The following LDLRAD3 variants were observed in gnomAD, a reference collection of about 807,000 sequenced individuals.
The protein encoded by LDLRAD3 is low-density lipoprotein receptor class A domain-containing protein 3.
LDLRAD3 carries 20 observed loss-of-function variants against 29.4 expected under a neutral mutation model. The ratio of observed to expected loss-of-function variants is 0.68; its 90% CI spans 0.48 to 0.99. The LOEUF (loss-of-function observed/expected upper bound fraction) is 0.99. Ranked by LOEUF, LDLRAD3 falls within the 50% of genes least tolerant of loss-of-function variation. LDLRAD3 has a pLI of 0.00. For missense variants in LDLRAD3, 420 were observed against 454.3 expected, an observed-to-expected ratio of 0.92 and a Z score of 0.69; for synonymous variants, 157 against 192.7, an observed-to-expected ratio of 0.81 and a Z score of 1.53.
At chr11:36,093,352 A>G (rs1011234401) in intron 3 of LDLRAD3, among the ~76,000 whole-genome samples, 1 of 152,172 alleles carries the variant, frequency 6.6e-6, no homozygotes, top group African/African-American at 2.4e-5. Flanking sequence ...AATCTCAGCC[A>G]TACGTCTTTG....
At chr11:36,175,083 G>A (rs761115616) in intron 4 of LDLRAD3, among the ~76,000 whole-genome samples, 9 of 152,230 alleles carry the variant, frequency 5.9e-5, no homozygotes, top group Non-Finnish European at 8.8e-5. Flanking sequence ...TTTTTACGCT[G>A]TTGATGGGAC....
Position 36,083,800 on chromosome 11 carries a change from C to A in LDLRAD3, c.319+2022C>A, listed in dbSNP as rs187998594. On this transcript the variant is annotated intron_variant, in intron 3 of 5. Transcript: ENST00000315571. ...CACACACCCCAGAATAATCCAATGG[C>A]AATAAAATGCAAGTATGACGCATTA... 2.0e-5 allele frequency among the ~76,000 whole-genome samples: 3 copies of A among 150,100 alleles called. No homozygotes were observed. The East Asian group carries it at 5.9e-4, about 29-fold the overall frequency.
In LDLRAD3 at chr11:36,104,132, T is replaced by C. The variant is rs113080003; in HGVS notation, c.454+5671T>C. 8.6e-3 allele frequency among the ~76,000 whole-genome samples: 1,317 copies of C among 152,282 alleles called. 19 individuals are homozygous for C. The highest frequency in any genetic ancestry group is 0.029 in the African/African-American group (1,211 of 41,548). ...TCGCTGGCTAGCTCTCTCCCACTCT[T>C]GAGGCAAGCCAGCTGCCATATTGTG... On this transcript the variant is annotated intron_variant, in intron 4 of 5. Coordinates refer to ENST00000315571, the MANE Select transcript of LDLRAD3 (RefSeq NM_174902.4).
At chr11:36,178,247 CTA>C (rs1164750054) in intron 4 of LDLRAD3, among the ~76,000 whole-genome samples, 1 of 152,232 alleles carries the variant, frequency 6.6e-6, no homozygotes, top group Non-Finnish European at 1.5e-5. Context: ...GCCTCCAACT[CTA>C]TGGAGAAGAA....
intron 4 of LDLRAD3, among the ~76,000 whole-genome samples, chr11:36,201,888 G>T (rs1055919589): frequency 6.6e-6 from 1 of 152,116 alleles, no homozygotes; most frequent in African/African-American, 2.4e-5. Context: ...TGGACCTTAG[G>T]CATAGCATGC....
At chr11:36,050,700 A>T (rs1164043003) in intron 2 of LDLRAD3, among the ~76,000 whole-genome samples, 1 of 152,194 alleles carries the variant, frequency 6.6e-6, no homozygotes, top group African/African-American at 2.4e-5. Flanking sequence ...GTCCCTTTAG[A>T]AGGATGTAGA....
chr11:36,174,593 A>C (rs533042406), intron 4 of LDLRAD3, among the ~76,000 whole-genome samples: 1 of 152,360 alleles, frequency 6.6e-6, no homozygotes, highest in South Asian at 2.1e-4. Context: ...ACATTCATGC[A>C]GCCAACAGAC....
At chr11:36,036,067 T>C in intron 1 of LDLRAD3, 36 bp from the exon 2 acceptor site, 2 of 1,602,540 alleles carry the variant, frequency 1.2e-6, no homozygotes, top group Non-Finnish European at 1.7e-6. Flanking sequence ...TCCCTGCTGT[T>C]GCTGTGCCGT....
chr11:35,990,402 A>T (rs1851672919), intron 1 of LDLRAD3, among the ~76,000 whole-genome samples: 1 of 151,888 alleles, frequency 6.6e-6, no homozygotes, highest in African/African-American at 2.4e-5. Flanking sequence ...TGGCAGCTGC[A>T]TAACTTCAAT....
Position 36,098,353 on chromosome 11 carries a change from G to T in LDLRAD3, c.346G>T (p.Ala116Ser), listed in dbSNP as rs563065338. The change falls in exon 4 of 6, where the codon GCC (alanine) becomes TCC (serine). Residue 116 changes from alanine (A) to serine (S), a missense_variant. Ala to Ser is a moderately conservative substitution (Grantham distance 99). Transcript: ENST00000315571. ...AGCAAACCCTCTGCTTTGCTCCACC[G>T]CCCGCTACCACTGCAAGAACGGCCT... is the stretch of plus-strand genomic sequence containing the variant. The part of the protein sequence containing the change: ...CTANPLLCST[A>S]RYHCKNGLCI... The T allele has an allele frequency of 6.2e-7, 1 of 1,614,120 alleles. No individual in the cohort carries two copies. The highest frequency in any genetic ancestry group is 8.5e-7 in the Non-Finnish European group (1 of 1,180,016).
intron 2 of LDLRAD3, among the ~76,000 whole-genome samples, chr11:36,037,384 C>T (rs1377589559): frequency 6.6e-6 from 1 of 152,072 alleles, no homozygotes; most frequent in Non-Finnish European, 1.5e-5. Flanking sequence ...GGTGTGATCC[C>T]GGCTCACTGC....
intron 2 of LDLRAD3, among the ~76,000 whole-genome samples, chr11:36,061,458 G>T (rs1852699326): frequency 1.3e-5 from 2 of 152,102 alleles, no homozygotes; most frequent in African/African-American, 4.8e-5. Context: ...AAGCAATCTT[G>T]TGCTGGTACC....
chr11:36,111,153 C>T (rs1398019143), intron 4 of LDLRAD3, among the ~76,000 whole-genome samples: 1 of 152,106 alleles, frequency 6.6e-6, no homozygotes, highest in Non-Finnish European at 1.5e-5. Context: ...ATGAGATGTT[C>T]AACCCTGGAA....
chr11:36,149,850 G>GTGTTCCTCATGACTGTTCCTCATGACTCA (rs1854251561), intron 4 of LDLRAD3, among the ~76,000 whole-genome samples: 1 of 152,138 alleles, frequency 6.6e-6, no homozygotes, highest in Non-Finnish European at 1.5e-5. Flanking sequence ...ACTCATGAAT[G>GTGTTCCTCATGACTGTTCCTCATGACTCA]TGTTCCTCAT....
intron 4 of LDLRAD3, among the ~76,000 whole-genome samples, chr11:36,199,111 A>G (rs1275096862): frequency 6.6e-6 from 1 of 152,140 alleles, no homozygotes; most frequent in Non-Finnish European, 1.5e-5. Context: ...CTTATTAGCC[A>G]GGATGGTCTT....
chr11:36,067,251 G>A (rs1852809719), intron 2 of LDLRAD3, among the ~76,000 whole-genome samples: 1 of 152,094 alleles, frequency 6.6e-6, no homozygotes, highest in South Asian at 2.1e-4. Context: ...CCACTGCTGG[G>A]CAGAAAGTGT....
chr11:36,086,176 G>C (rs747560058), intron 3 of LDLRAD3, among the ~76,000 whole-genome samples: 3 of 152,078 alleles, frequency 2.0e-5, no homozygotes, highest in African/African-American at 7.2e-5. Flanking sequence ...GTGTGTGATT[G>C]CTTACTCGAG....
chr11:35,952,004 C>T (rs980128677), intron 1 of LDLRAD3, among the ~76,000 whole-genome samples: 1 of 152,180 alleles, frequency 6.6e-6, no homozygotes, highest in African/African-American at 2.4e-5. Context: ...TCTTATATAC[C>T]TACCCATGCT....
intron 4 of LDLRAD3, among the ~76,000 whole-genome samples, chr11:36,170,333 C>CGTAT (rs1854579769): frequency 7.0e-6 from 1 of 142,504 alleles, no homozygotes; most frequent in African/African-American, 2.9e-5. Context: ...TATATATGTA[C>CGTAT]GTATATACGT....
Sources: allele counts gnomAD v4.1 joint callset (sites outside exome capture counted in the v4.1 genomes callset), GRCh38; gene constraint gnomAD v4.1.1; transcripts MANE v1.5; gene names NCBI Gene and HGNC (gene_info 2026-07-23, HGNC 2026-07-21).